PCDHA8: variants seen among roughly 807,000 people sequenced by gnomAD.
PCDHA8 encodes protocadherin alpha 8, also known as protocadherin alpha-8.
A neutral mutation model predicts 61.8 loss-of-function variants in PCDHA8; 53 were observed. That is an observed-to-expected ratio of 0.86 (90% CI 0.69 to 1.08). The LOEUF (loss-of-function observed/expected upper bound fraction) is 1.08, where lower values mean the gene tolerates loss of function less well. Ranked by LOEUF, PCDHA8 falls within the 50% of genes least tolerant of loss-of-function variation. The pLI, the probability that PCDHA8 is intolerant of heterozygous loss-of-function variation, is 0.00. For synonymous variants in PCDHA8, 618 were observed against 556.6 expected (o/e 1.11, Z -1.55); for missense variants, 1,293 against 1,245.0 (o/e 1.04, Z -0.58).
rs1296767379 is a variant in PCDHA8 at position 140,898,372 on chromosome 5, T to C, written c.2394+54657T>C. ...ATCTTGAATTAATTTTTGTATAAGG[T>C]GTAAGGAAGGGATCCAGTTTCAGCT... On this transcript the variant is annotated intron_variant, in intron 1 of 3. Coordinates refer to ENST00000531613, the MANE Select transcript of PCDHA8 (RefSeq NM_018911.3). Among the ~76,000 whole-genome samples, 5 of 152,320 alleles carry C rather than the reference T, an allele frequency of 3.3e-5. No individual in the cohort carries two copies. In the East Asian group the frequency reaches 9.6e-4, roughly 29 times the overall value.
intron 1 of PCDHA8, chr5:140,968,997 G>A (rs1459602291): frequency 6.2e-7 from 1 of 1,614,092 alleles, no homozygotes; most frequent in African/African-American, 1.3e-5. Flanking sequence ...TGCTGTGGAG[G>A]CTTCTGTGGA....
chr5:140,995,511 A>G (rs561169284), intron 3 of PCDHA8, among the ~76,000 whole-genome samples: 1 of 152,342 alleles, frequency 6.6e-6, no homozygotes, highest in Admixed American at 6.5e-5. Flanking sequence ...TGGGTAACTG[A>G]AGCCTCAGAA....
chr5:140,888,487 ACT>A (rs1486157760), intron 1 of PCDHA8, among the ~76,000 whole-genome samples: 1 of 152,162 alleles, frequency 6.6e-6, no homozygotes, highest in Non-Finnish European at 1.5e-5. Flanking sequence ...CTGTTGAGAA[ACT>A]CTGCTTTAAA....
rs1318602549 is a variant in PCDHA8, at chr5:140,842,870, G to T, written c.1549G>T (p.Val517Leu). The change falls in exon 1 of 4, where the codon GTG becomes TTG. Residue 517 changes from valine to leucine, a missense_variant. Coordinates refer to ENST00000531613, the MANE Select transcript of PCDHA8 (RefSeq NM_018911.3). ...TTCGGTGCACACGGAGAGCGGCAAG[G>T]TGTACGCGCTGCAGCCGCTGGACCA... ...YISVHTESGK[V>L]YALQPLDHEE... 4.4e-6 allele frequency: 7 copies of T among 1,593,934 alleles called. 1 individual carries two copies. Among genetic ancestry groups the T allele is most frequent in the Non-Finnish European group, 6.0e-6 (7 of 1,165,422 alleles).
At chr5:141,000,421 A>ATATTT (rs1265241806) in intron 3 of PCDHA8, among the ~76,000 whole-genome samples, 4 of 27,980 alleles carry the variant, frequency 1.4e-4, no homozygotes, top group Non-Finnish European at 1.1e-4. Context: ...ATATATATAT[A>ATATTT]TTTTTTTTTT....
intron 1 of PCDHA8, among the ~76,000 whole-genome samples, chr5:140,947,661 T>C (rs2094159982): frequency 6.6e-6 from 1 of 151,672 alleles, no homozygotes; most frequent in South Asian, 2.1e-4. Context: ...CTCCATTTAC[T>C]TGGGTCTTTA....
At chr5:140,902,933 T>C (rs898632295) in intron 1 of PCDHA8, among the ~76,000 whole-genome samples, 56 of 152,346 alleles carry the variant, frequency 3.7e-4, no homozygotes, top group African/African-American at 1.2e-3. Flanking sequence ...GGTGTATATA[T>C]ACCACATTTT....
chr5:140,867,042 G>T lies in PCDHA8; in HGVS notation c.2394+23327G>T, dbSNP rs782113838. Reference sequence around the variant, plus strand: ...ATATCAAACTCTTTTATGACTTGGCGTTTGTTCAGTACTACTTTATATATT... The same window carrying T: ...ATATCAAACTCTTTTATGACTTGGCTTTTGTTCAGTACTACTTTATATATT... On this transcript the variant is annotated intron_variant, in intron 1 of 3. Transcript: ENST00000531613. The T allele has an allele frequency of 4.6e-5, 7 of 152,202 alleles. 1 individual carries two copies. Among genetic ancestry groups the T allele is most frequent in the African/African-American group, 1.7e-4 (7 of 41,564 alleles). 9.4% of individuals were successfully genotyped at this position (152,202 alleles called of 1,614,324 possible). A position where few individuals can be genotyped will look rare whatever the true frequency, so the allele number is the denominator to read the frequency against.
intron 1 of PCDHA8, chr5:140,876,573 C>G: frequency 1.9e-6 from 3 of 1,614,152 alleles, no homozygotes; most frequent in African/African-American, 1.3e-5. Flanking sequence ...AGGTGGGTAC[C>G]GTCATTGCCC....
intron 1 of PCDHA8, among the ~76,000 whole-genome samples, chr5:140,892,256 A>AT (rs1283359328): frequency 6.6e-6 from 1 of 151,996 alleles, no homozygotes; most frequent in Non-Finnish European, 1.5e-5. Context: ...GTTATCTTTG[A>AT]TTTTGTGCTG....
chr5:140,920,456 T>C (rs2079640226), intron 1 of PCDHA8, among the ~76,000 whole-genome samples: 1 of 152,192 alleles, frequency 6.6e-6, no homozygotes, highest in African/African-American at 2.4e-5. Flanking sequence ...AATTGACAAA[T>C]TTGTTATATT....
chr5:140,875,291 T>C, intron 1 of PCDHA8: 2 of 1,397,914 alleles, frequency 1.4e-6, no homozygotes, highest in Non-Finnish European at 1.9e-6. Flanking sequence ...AACAGGAAAA[T>C]TTTTTTCTCC....
intron 1 of PCDHA8, among the ~76,000 whole-genome samples, chr5:140,960,097 T>C (rs2095526762): frequency 6.6e-6 from 1 of 152,232 alleles, no homozygotes. Context: ...AAGAAACTTG[T>C]AGTTGTGGGA....
chr5:140,979,522 A>G (rs576025092), intron 2 of PCDHA8, among the ~76,000 whole-genome samples: 1 of 152,098 alleles, frequency 6.6e-6, no homozygotes, highest in South Asian at 2.1e-4. Context: ...ATCTGTTGCT[A>G]TCTTATTGTC....
At chr5:140,927,395 A>G (rs782188555) in intron 1 of PCDHA8, 3 of 1,614,194 alleles carry the variant, frequency 1.9e-6, no homozygotes, top group South Asian at 2.2e-5. Context: ...CCCAGTCAGC[A>G]CTTTCGCCTG....
At position 140,928,712 on chromosome 5, in the gene PCDHA8, G is replaced by A; in HGVS notation, c.2395-50237G>A. 3.1e-6 allele frequency: 5 copies of A among 1,614,168 alleles called. No homozygotes were observed. The highest frequency in any genetic ancestry group is 4.2e-6 in the Non-Finnish European group (5 of 1,180,042). Reference sequence around the variant, plus strand: ...CACATCTCCCGGGCGTCTGACTCTAGTCTCTTTAGAATTTCAGCCAATATA... The same window carrying A: ...CACATCTCCCGGGCGTCTGACTCTAATCTCTTTAGAATTTCAGCCAATATA... On this transcript the variant is annotated intron_variant, in intron 1 of 3. Coordinates refer to ENST00000531613, the MANE Select transcript of PCDHA8 (RefSeq NM_018911.3).
At chr5:140,870,496 G>A in intron 1 of PCDHA8, 1 of 1,614,234 alleles carries the variant, frequency 6.2e-7, no homozygotes, top group Non-Finnish European at 8.5e-7. Flanking sequence ...GTTCGTGAAG[G>A]AGAACAACCC....
chr5:140,951,833 A>G (rs2094641584), intron 1 of PCDHA8, among the ~76,000 whole-genome samples: 1 of 152,190 alleles, frequency 6.6e-6, no homozygotes, highest in Admixed American at 6.5e-5. Flanking sequence ...TCATTCCAGC[A>G]TTAAGCCAAA....
intron 1 of PCDHA8, among the ~76,000 whole-genome samples, chr5:140,931,986 C>G (rs562622204): frequency 2.0e-4 from 30 of 151,912 alleles, no homozygotes; most frequent in African/African-American, 7.0e-4. Flanking sequence ...ATATTTTGCT[C>G]AAATTCTAAG....
Sources: allele counts gnomAD v4.1 joint callset (sites outside exome capture counted in the v4.1 genomes callset), GRCh38; gene constraint gnomAD v4.1.1; transcripts MANE v1.5; gene names NCBI Gene and HGNC (gene_info 2026-07-23, HGNC 2026-07-21).